IGF1R: variants seen among roughly 807,000 people sequenced by gnomAD.
IGF1R encodes insulin like growth factor 1 receptor.
In IGF1R, 44 loss-of-function variants were observed where a neutral mutation model predicts 144.6. That is an observed-to-expected ratio of 0.30 (90% CI 0.24 to 0.39). The LOEUF (loss-of-function observed/expected upper bound fraction) is 0.39. Among genes scored for constraint, IGF1R ranks in the 10% least tolerant of loss-of-function variants. The pLI is 1.00. For synonymous variants in IGF1R, 795 were observed against 722.8 expected, an observed-to-expected ratio of 1.10 and a Z score of -1.60; for missense variants, 1,355 against 1,833.7, an observed-to-expected ratio of 0.74 and a Z score of 4.77.
chr15:98,939,099 G>A (rs1212728883), intron 17 of IGF1R, 102 bp from the exon 18 acceptor site: 15 of 942,030 alleles, frequency 1.6e-5, no homozygotes, highest in Admixed American at 9.5e-5. Context: ...AACAACCCAC[G>A]GTGCCCAGAT....
At chr15:98,726,292 A>G (rs2054358191) in intron 2 of IGF1R, among the ~76,000 whole-genome samples, 1 of 152,176 alleles carries the variant, frequency 6.6e-6, no homozygotes, top group African/African-American at 2.4e-5. Flanking sequence ...TTACTCTCCC[A>G]TCGTAGCTCA....
At chr15:98,758,207 G>GT (rs144864523) in intron 2 of IGF1R, among the ~76,000 whole-genome samples, 1,828 of 143,442 alleles carry the variant, frequency 0.013, 31 homozygotes, top group African/African-American at 0.038. Flanking sequence ...ATTTTAAAGT[G>GT]TTTTTTTTTT....
At position 98,958,379 on chromosome 15, in the gene IGF1R, GC is replaced by G. The variant is rs537769685; in HGVS notation, c.*941del. 1.8e-5 allele frequency: 4 copies of G among 223,836 alleles called. No homozygotes were observed. The highest frequency in any genetic ancestry group is 3.6e-5 in the Non-Finnish European group (4 of 112,048). The allele number at this position is 223,836 out of a possible 1,614,324, so 13.9% of individuals were successfully genotyped here. A position where few individuals can be genotyped will look rare whatever the true frequency, so the allele number is the denominator to read the frequency against. On this transcript the variant is annotated 3_prime_UTR_variant, in exon 21 of 21. Coordinates refer to ENST00000650285, the MANE Select transcript of IGF1R (RefSeq NM_000875.5). ...TGGCGGACAGGCTTGGAGTCAAGGG[GC>G]CCCATGCCTGCTTCTCTCCCAGCCC...
intron 2 of IGF1R, among the ~76,000 whole-genome samples, chr15:98,862,972 C>A (rs1371874106): frequency 6.6e-6 from 1 of 152,200 alleles, no homozygotes; most frequent in Non-Finnish European, 1.5e-5. Context: ...AATCTCCAGA[C>A]TGAATTCGGA....
intron 1 of IGF1R, among the ~76,000 whole-genome samples, chr15:98,656,742 C>T (rs779342491): frequency 3.3e-5 from 5 of 152,150 alleles, no homozygotes; most frequent in Admixed American, 6.5e-5. Context: ...CCATAGGTCT[C>T]TACTTCAGTA....
At chr15:98,693,109 C>G (rs908585044) in intron 1 of IGF1R, among the ~76,000 whole-genome samples, 8 of 152,120 alleles carry the variant, frequency 5.3e-5, no homozygotes, top group African/African-American at 1.7e-4. Context: ...GCTTGCAGCA[C>G]CCCCCTGACC....
chr15:98,955,219 C>G (rs536135700), intron 20 of IGF1R, among the ~76,000 whole-genome samples: 1 of 152,328 alleles, frequency 6.6e-6, no homozygotes, highest in South Asian at 2.1e-4. Context: ...ACATGGCATT[C>G]TACCGTGGGG....
rs776587789 is a variant in IGF1R, at chr15:98,649,626, G to A, written c.45G>A (p.Gly15=). ...SGGGSPTSLW[G]LLFLSAALSL... Reference sequence around the variant, plus strand: ...GAGGGTCCCCGACCTCGCTGTGGGGGCTCCTGTTTCTCTCCGCCGCGCTCT... The same window carrying A: ...GAGGGTCCCCGACCTCGCTGTGGGGACTCCTGTTTCTCTCCGCCGCGCTCT... Residue 15 remains glycine, a synonymous_variant, in exon 1 of 21, where the codon GGG becomes GGA. Transcript: ENST00000650285. 3 of 1,609,482 alleles carry A rather than the reference G, an allele frequency of 1.9e-6. No individual in the cohort carries two copies. In the South Asian group the frequency reaches 3.3e-5, roughly 18 times the overall value.
chr15:98,941,509 C>A (rs928809227), intron 18 of IGF1R, among the ~76,000 whole-genome samples: 1 of 152,120 alleles, frequency 6.6e-6, no homozygotes, highest in Non-Finnish European at 1.5e-5. Flanking sequence ...TGAGGAAGGT[C>A]GTTTGTGTTT....
intron 2 of IGF1R, among the ~76,000 whole-genome samples, chr15:98,731,499 G>A (rs4580134): frequency 1 from 151,917 of 152,350 alleles, 75,746 homozygotes; most frequent in Middle Eastern, 1. Context: ...ATGATGAAAG[G>A]TGAATCGTCG....
intron 13 of IGF1R, 67 bp downstream of exon 13, chr15:98,924,751 C>T (rs866738034): frequency 5.1e-6 from 7 of 1,382,436 alleles, no homozygotes; most frequent in Middle Eastern, 2.0e-4. Flanking sequence ...ATCAGGACAG[C>T]CCGAGTGTTC....
chr15:98,835,569 A>T (rs1409084585), intron 2 of IGF1R, among the ~76,000 whole-genome samples: 1 of 152,202 alleles, frequency 6.6e-6, no homozygotes, highest in Non-Finnish European at 1.5e-5. Context: ...AACCCTCCTC[A>T]ATTTGGGAAA....
intron 2 of IGF1R, among the ~76,000 whole-genome samples, chr15:98,870,071 A>G (rs543552562): frequency 1.3e-5 from 2 of 152,358 alleles, no homozygotes; most frequent in Non-Finnish European, 2.9e-5. Context: ...CAGTAAACCT[A>G]AAAGTAAGTC....
intron 2 of IGF1R, among the ~76,000 whole-genome samples, chr15:98,775,472 C>A (rs1337320306): frequency 6.6e-6 from 1 of 152,162 alleles, no homozygotes; most frequent in Non-Finnish European, 1.5e-5. Flanking sequence ...GTTCAGGGAC[C>A]GTTGCCCTAG....
intron 2 of IGF1R, among the ~76,000 whole-genome samples, chr15:98,843,153 C>G (rs1489660538): frequency 1.3e-5 from 2 of 152,206 alleles, no homozygotes; most frequent in African/African-American, 4.8e-5. Context: ...ACCATTCTTT[C>G]ATCCTTCAAC....
Position 98,962,061 on chromosome 15 carries a change from G to C in IGF1R, c.*4619G>C, listed in dbSNP as rs1218817151. On this transcript the variant is annotated 3_prime_UTR_variant, in exon 21 of 21. Coordinates refer to ENST00000650285, the MANE Select transcript of IGF1R (RefSeq NM_000875.5). Reference sequence around the variant, plus strand: ...TTGTTCCACTGAAGCTTTTCCCACAGCAGTCCACCTCTGCAGGCTGGCAGC... The same window carrying C: ...TTGTTCCACTGAAGCTTTTCCCACACCAGTCCACCTCTGCAGGCTGGCAGC... 1 of 233,240 alleles carries C rather than the reference G, an allele frequency of 4.3e-6. No individual in the cohort carries two copies. Among genetic ancestry groups the C allele is most frequent in the East Asian group, 6.0e-5 (1 of 16,606 alleles). 14.4% of individuals were successfully genotyped at this position (233,240 alleles called of 1,614,324 possible).
chr15:98,726,938 C>T (rs1044133460), intron 2 of IGF1R, among the ~76,000 whole-genome samples: 8 of 151,882 alleles, frequency 5.3e-5, no homozygotes, highest in Non-Finnish European at 8.8e-5. Context: ...CCAGGCAGGT[C>T]TCGAACTCCT....
chr15:98,838,011 C>G (rs1439990958), intron 2 of IGF1R, among the ~76,000 whole-genome samples: 1 of 152,180 alleles, frequency 6.6e-6, no homozygotes, highest in South Asian at 2.1e-4. Flanking sequence ...TTTACAAAAT[C>G]ATTTTCACGG....
intron 2 of IGF1R, among the ~76,000 whole-genome samples, chr15:98,824,686 C>T (rs1200547952): frequency 1.3e-5 from 2 of 152,180 alleles, no homozygotes; most frequent in Non-Finnish European, 2.9e-5. Flanking sequence ...CCCACTTGCT[C>T]GGCATTCTTT....
Sources: allele counts gnomAD v4.1 joint callset (sites outside exome capture counted in the v4.1 genomes callset), GRCh38; gene constraint gnomAD v4.1.1; transcripts MANE v1.5; gene names NCBI Gene and HGNC (gene_info 2026-07-23, HGNC 2026-07-21).